Variants in CELSR1 observed in about 807,000 individuals in gnomAD.
CELSR1 encodes the protein adhesion G protein-coupled receptor C1.
A neutral mutation model predicts 249.1 loss-of-function variants in CELSR1; 110 were observed. The observed-to-expected ratio is 0.44, with a 90% CI of 0.38 to 0.52. The LOEUF (loss-of-function observed/expected upper bound fraction) is 0.52, where lower values mean the gene tolerates loss of function less well. Ranked by LOEUF, CELSR1 falls within the 20% of genes least tolerant of loss-of-function variation. The pLI, the probability that CELSR1 is intolerant of heterozygous loss-of-function variation, is 0.00. For missense variants in CELSR1, 4,109 were observed against 4,296.4 expected (o/e 0.96, Z 1.22); for synonymous variants, 2,113 against 1,900.0 (o/e 1.11, Z -2.92).
At chr22:46,458,195 AGTGT>A (rs558610691) in intron 2 of CELSR1, among the ~76,000 whole-genome samples, 141 of 152,252 alleles carry the variant, frequency 9.3e-4, no homozygotes, top group African/African-American at 3.3e-3. Flanking sequence ...GAGAGAGGCC[AGTGT>A]GTGTCCCGAA....
chr22:46,376,679 T>G (rs2078921603), intron 24 of CELSR1, among the ~76,000 whole-genome samples: 1 of 152,078 alleles, frequency 6.6e-6, no homozygotes, highest in Non-Finnish European at 1.5e-5. Flanking sequence ...CTTAAATCAC[T>G]TTTGACAAGA....
rs1411472137 is a variant in CELSR1, at chr22:46,534,949, C to A, written c.2222G>T (p.Gly741Val). 6.2e-7 allele frequency: 1 copy of A among 1,612,424 alleles called. No homozygotes were observed. Reference protein sequence around the residue: ...NRFALSSQRGGGLITLALPLD... With the variant: ...NRFALSSQRGVGLITLALPLD... ...AGGTAGCGCCAGGGTGATGAGGCCGCCCCCTCTCTGGCTGCTGAGTGCAAA... is the reference window on the plus strand; with the variant it reads ...AGGTAGCGCCAGGGTGATGAGGCCGACCCCTCTCTGGCTGCTGAGTGCAAA... Residue 741 changes from glycine (G) to valine (V), a missense_variant, in exon 1 of 35, where the codon GGC becomes GTC. By Grantham distance (109) the Gly-to-Val change is moderately radical. Transcript: ENST00000674500. The surrounding 1 kb of genome is among the most constrained non-coding windows in gnomAD (Gnocchi z 9.7).
chr22:46,384,216 G>A (rs548524585), intron 20 of CELSR1, among the ~76,000 whole-genome samples: 7 of 152,328 alleles, frequency 4.6e-5, no homozygotes, highest in South Asian at 2.1e-4. Flanking sequence ...GATTACAGGC[G>A]TGAGCCGCCG....
intron 24 of CELSR1, 62 bp from the exon 25 acceptor site, chr22:46,373,119 T>G: frequency 6.7e-7 from 1 of 1,482,960 alleles, no homozygotes; most frequent in Non-Finnish European, 9.0e-7. Context: ...CAGACAGGCA[T>G]GAGTGAGGGG....
Sources: allele counts gnomAD v4.1 joint callset (sites outside exome capture counted in the v4.1 genomes callset), GRCh38; gene constraint gnomAD v4.1.1; non-coding constraint Gnocchi (gnomAD v3.1); transcripts MANE v1.5; gene names NCBI Gene and HGNC (gene_info 2026-07-23, HGNC 2026-07-21).